CSMD1: variants seen among roughly 807,000 people sequenced by gnomAD.
The protein encoded by CSMD1 is CUB and sushi domain-containing protein 1.
CSMD1 carries 213 observed loss-of-function variants against 417.5 expected under a neutral mutation model. That is an observed-to-expected ratio of 0.51 (90% CI 0.46 to 0.57). The LOEUF is 0.57. CSMD1 is among the 20% of genes least tolerant of loss of function. The pLI is 0.00. For synonymous variants in CSMD1, 2,862 were observed against 1,736.8 expected (o/e 1.65, Z -16.11); for missense variants, 6,923 against 4,529.7 (o/e 1.53, Z -15.17).
chr8:4,896,062 G>C (rs1409690405), intron 1 of CSMD1, among the ~76,000 whole-genome samples: 4 of 151,998 alleles, frequency 2.6e-5, no homozygotes, highest in Admixed American at 1.3e-4. Context: ...TGTGTGGTTT[G>C]CACTATTTAG....
At chr8:4,247,746 G>T (rs980286903) in intron 3 of CSMD1, among the ~76,000 whole-genome samples, 75 of 152,082 alleles carry the variant, frequency 4.9e-4, no homozygotes, top group African/African-American at 1.8e-3. Flanking sequence ...ATCATCAACT[G>T]CTGATTTGGA....
chr8:4,321,886 A>C (rs539105109), intron 3 of CSMD1, among the ~76,000 whole-genome samples: 2 of 152,216 alleles, frequency 1.3e-5, no homozygotes, highest in African/African-American at 4.8e-5. Context: ...ATATATCATC[A>C]TTGTGATTTA....
chr8:3,680,549 C>G (rs904185638), intron 7 of CSMD1, among the ~76,000 whole-genome samples: 1 of 152,090 alleles, frequency 6.6e-6, no homozygotes, highest in African/African-American at 2.4e-5. Flanking sequence ...TAATTAATAG[C>G]TTACCAACCA....
chr8:3,231,306 T>C (rs1798820492), intron 26 of CSMD1, among the ~76,000 whole-genome samples: 2 of 152,288 alleles, frequency 1.3e-5, no homozygotes, highest in East Asian at 1.9e-4. Context: ...GAGATGACAA[T>C]TAAAAGCTGA....
At chr8:4,479,248 T>C (rs977236226) in intron 2 of CSMD1, among the ~76,000 whole-genome samples, 1 of 152,218 alleles carries the variant, frequency 6.6e-6, no homozygotes, top group Non-Finnish European at 1.5e-5. Flanking sequence ...ATTGCCAGCA[T>C]ATTATCTCAG....
intron 2 of CSMD1, among the ~76,000 whole-genome samples, chr8:4,557,356 G>T (rs891818160): frequency 6.6e-6 from 1 of 151,306 alleles, no homozygotes; most frequent in African/African-American, 2.4e-5. Context: ...CAGATGCCTT[G>T]ATATGCCAAG....
chr8:4,420,187 C>A, intron 2 of CSMD1, 122 bp from the exon 3 acceptor site: 1 of 599,434 alleles, frequency 1.7e-6, no homozygotes, highest in Non-Finnish European at 3.0e-6. Flanking sequence ...TGGCATTAAA[C>A]ACTTAGATAA....
At chr8:3,218,350 A>G (rs1798001556) in intron 29 of CSMD1, among the ~76,000 whole-genome samples, 1 of 151,692 alleles carries the variant, frequency 6.6e-6, no homozygotes, top group South Asian at 2.1e-4. Context: ...TCATGAGGTC[A>G]GGAGATCGAG....
intron 18 of CSMD1, chr8:3,373,703 T>G (rs192905315): frequency 3.9e-5 from 6 of 152,318 alleles, no homozygotes; most frequent in Non-Finnish European, 1.5e-5. Context: ...TGTTTCTTCA[T>G]GCACGGTAGA....
intron 5 of CSMD1, among the ~76,000 whole-genome samples, chr8:3,975,264 G>C (rs946409973): frequency 1.3e-5 from 2 of 152,154 alleles, no homozygotes; most frequent in African/African-American, 4.8e-5. Context: ...CAGTATGAGA[G>C]CTTGGGGTTG....
At chr8:4,040,200 T>C (rs1255911755) in intron 3 of CSMD1, among the ~76,000 whole-genome samples, 4 of 152,284 alleles carry the variant, frequency 2.6e-5, no homozygotes, top group Non-Finnish European at 4.4e-5. Flanking sequence ...GAGAAGGACA[T>C]CGTAGTTTTT....
intron 3 of CSMD1, among the ~76,000 whole-genome samples, chr8:4,179,351 G>A (rs1798227792): frequency 6.6e-6 from 1 of 152,116 alleles, no homozygotes; most frequent in African/African-American, 2.4e-5. Flanking sequence ...TTAATAAATG[G>A]TGCTGGGAAA....
rs181952560 is a variant in CSMD1 at position 4,524,469 on chromosome 8, G to C, written c.303-104404C>G. On this transcript the variant is annotated intron_variant, in intron 2 of 69. Coordinates refer to ENST00000635120, the MANE Select transcript of CSMD1 (RefSeq NM_033225.6). ...CTTGTGGCTGAAACAGGACAGCTGA[G>C]TGAGGCCACGTTGGTGAAGCCCACG... is the stretch of plus-strand genomic sequence containing the variant. Among the ~76,000 whole-genome samples the C allele has an allele frequency of 8.0e-3, 1,212 of 152,144 alleles. 11 individuals are homozygous for C. Among genetic ancestry groups the C allele is most frequent in the Non-Finnish European group, 0.012 (838 of 67,992 alleles).
chr8:3,318,043 T>G (rs7837603), intron 23 of CSMD1, among the ~76,000 whole-genome samples: 106,255 of 152,070 alleles, frequency 0.7, 38,231 homozygotes, highest in Non-Finnish European at 0.79. Flanking sequence ...TCAAGTGATC[T>G]GCCCACCTTG....
At chr8:4,244,734 A>AT (rs943100549) in intron 3 of CSMD1, among the ~76,000 whole-genome samples, 2 of 152,132 alleles carry the variant, frequency 1.3e-5, no homozygotes, top group South Asian at 2.1e-4. Flanking sequence ...CAATGGAATA[A>AT]TTTTTTTACA....
chr8:3,614,036 G>C lies in CSMD1; in HGVS notation c.1097+2674C>G, dbSNP rs181133541. The stretch of plus-strand genomic sequence containing the variant: ...AAGTTCTAGGAAATCTATCAAAAAA[G>C]CTACTATATAACTAGCTTGTCTCTG... On this transcript the variant is annotated intron_variant, in intron 8 of 69. Transcript: ENST00000635120. 3.3e-5 allele frequency among the ~76,000 whole-genome samples: 5 copies of C among 151,894 alleles called. No homozygotes were observed. In the South Asian group the frequency reaches 8.3e-4, roughly 25 times the overall value.
chr8:3,699,951 T>C (rs985946084), intron 7 of CSMD1, among the ~76,000 whole-genome samples: 1 of 151,502 alleles, frequency 6.6e-6, no homozygotes, highest in Non-Finnish European at 1.5e-5. Flanking sequence ...CCCTGGGTTA[T>C]ATCCCATAAC....
At position 4,191,181 on chromosome 8, in the gene CSMD1, C is replaced by T. The variant is rs183064627; in HGVS notation, c.416-159082G>A. 2.9e-3 allele frequency among the ~76,000 whole-genome samples: 439 copies of T among 152,122 alleles called. 3 individuals carry two copies. Among genetic ancestry groups the T allele is most frequent in the Non-Finnish European group, 5.1e-3 (346 of 67,980 alleles). On this transcript the variant is annotated intron_variant, in intron 3 of 69. Coordinates refer to ENST00000635120, the MANE Select transcript of CSMD1 (RefSeq NM_033225.6). The stretch of plus-strand genomic sequence containing the variant: ...GGAGGCCGAGGCAGGTGGATCACGA[C>T]GTCAGGAGATTGAGACCATCCCGGC...
chr8:3,268,395 T>A (rs1801593896), intron 26 of CSMD1, among the ~76,000 whole-genome samples: 1 of 146,352 alleles, frequency 6.8e-6, no homozygotes, highest in Non-Finnish European at 1.5e-5. Flanking sequence ...TTCACACCAT[T>A]CTCCTGCCTC....
Sources: gnomAD v4.1 joint callset for allele counts (sites outside exome capture counted in the v4.1 genomes callset) on GRCh38, gnomAD v4.1.1 for gene constraint, MANE v1.5 for transcripts, NCBI Gene and HGNC (gene_info 2026-07-23, HGNC 2026-07-21) for gene names.